The following ASZ1 variants were observed in gnomAD, a reference collection of about 807,000 sequenced individuals.
ASZ1 encodes ankyrin repeat, SAM and basic leucine zipper domain-containing protein 1.
ASZ1 carries 67 observed loss-of-function variants against 61.8 expected under a neutral mutation model. That is an observed-to-expected ratio of 1.08 (90% CI 0.89 to 1.33). The LOEUF is 1.33. Ranked by LOEUF, ASZ1 falls within the 40% of genes most tolerant of loss-of-function variation. ASZ1 has a pLI of 0.00. For synonymous variants in ASZ1, 193 were observed against 192.7 expected (o/e 1.00, Z -0.01); for missense variants, 577 against 554.5 (o/e 1.04, Z -0.41).
At chr7:117,394,965 T>A (rs1796550593) in intron 4 of ASZ1, among the ~76,000 whole-genome samples, 1 of 152,232 alleles carries the variant, frequency 6.6e-6, no homozygotes, top group Admixed American at 6.5e-5. Flanking sequence ...GATTCCTCTA[T>A]TTTTCCCACT....
intron 3 of ASZ1, among the ~76,000 whole-genome samples, chr7:117,420,995 T>C (rs918423074): frequency 1.3e-5 from 2 of 152,202 alleles, no homozygotes; most frequent in African/African-American, 4.8e-5. Flanking sequence ...AGATTTAACA[T>C]ACAGATAAGA....
chr7:117,368,266 T>A, intron 11 of ASZ1: 1 of 978,774 alleles, frequency 1.0e-6, no homozygotes, highest in Non-Finnish European at 1.2e-6. Flanking sequence ...TAAAAATATT[T>A]TATTGATATG....
intron 10 of ASZ1, among the ~76,000 whole-genome samples, chr7:117,370,289 A>G (rs1796022636): frequency 6.6e-6 from 1 of 152,226 alleles, no homozygotes; most frequent in Non-Finnish European, 1.5e-5. Context: ...AACTATGATC[A>G]TAAAGAAGAC....
At chr7:117,391,222 T>C (rs1796461497) in intron 4 of ASZ1, among the ~76,000 whole-genome samples, 1 of 152,160 alleles carries the variant, frequency 6.6e-6, no homozygotes, top group Non-Finnish European at 1.5e-5. Context: ...CCTGGATATT[T>C]AGTCCTTTGT....
chr7:117,402,636 C>T (rs1032980929), intron 4 of ASZ1, among the ~76,000 whole-genome samples: 1 of 152,100 alleles, frequency 6.6e-6, no homozygotes, highest in African/African-American at 2.4e-5. Context: ...TCCAGTGAGC[C>T]CCCATCTTGA....
intron 4 of ASZ1, among the ~76,000 whole-genome samples, chr7:117,386,630 G>T (rs1460459982): frequency 1.3e-5 from 2 of 152,038 alleles, no homozygotes; most frequent in African/African-American, 2.4e-5. Context: ...TATACACAAA[G>T]AACTTTGGAA....
chr7:117,408,176 C>T (rs1190765873), intron 4 of ASZ1, among the ~76,000 whole-genome samples: 1 of 152,096 alleles, frequency 6.6e-6, no homozygotes, highest in Non-Finnish European at 1.5e-5. Flanking sequence ...AAAATTTCTA[C>T]CCTTTAATCA....
Position 117,391,516 on chromosome 7 carries a change from T to C in ASZ1, c.441-5707A>G, listed in dbSNP as rs573282649. On this transcript the variant is annotated intron_variant, in intron 4 of 12. Coordinates refer to ENST00000284629, the MANE Select transcript of ASZ1 (RefSeq NM_130768.3). ...AGGTAGGGATCCAGTTTCATTCTTC[T>C]GCATGTGGGTATCCGGTTTTCCCAG... 1.2e-4 allele frequency among the ~76,000 whole-genome samples: 19 copies of C among 152,354 alleles called. No homozygotes were observed. In the East Asian group the frequency reaches 3.7e-3, roughly 29 times the overall value.
chr7:117,391,078 T>A (rs1044885719), intron 4 of ASZ1, among the ~76,000 whole-genome samples: 1 of 152,014 alleles, frequency 6.6e-6, no homozygotes, highest in Non-Finnish European at 1.5e-5. Flanking sequence ...CTCTGATGAG[T>A]AGTGATGTTG....
In ASZ1 at chr7:117,389,738, A is replaced by C. The variant is rs117976172; in HGVS notation, c.441-3929T>G. 5.7e-3 allele frequency among the ~76,000 whole-genome samples: 863 copies of C among 152,314 alleles called. 5 individuals carry two copies. The highest frequency in any genetic ancestry group is 9.9e-3 in the Non-Finnish European group (674 of 68,016). On this transcript the variant is annotated intron_variant, in intron 4 of 12. Transcript: ENST00000284629. Reference sequence around the variant, plus strand: ...ATATTTCCCACACCTTTTCCTTCTTAAACCCCTTCATTTAGCCCAAAAAGT... The same window carrying C: ...ATATTTCCCACACCTTTTCCTTCTTCAACCCCTTCATTTAGCCCAAAAAGT...
intron 4 of ASZ1, among the ~76,000 whole-genome samples, chr7:117,401,108 G>A (rs1374956218): frequency 6.6e-6 from 1 of 152,146 alleles, no homozygotes; most frequent in Non-Finnish European, 1.5e-5. Flanking sequence ...CTACAGAAGA[G>A]AATTAATGGC....
At chr7:117,363,810 T>C in intron 12 of ASZ1, 62 bp from the exon 13 acceptor site, 1 of 1,276,940 alleles carries the variant, frequency 7.8e-7, no homozygotes. Context: ...TAAAACATTT[T>C]GATTTTAAAA....
At chr7:117,409,485 C>G (rs1459446923) in intron 4 of ASZ1, among the ~76,000 whole-genome samples, 1 of 151,538 alleles carries the variant, frequency 6.6e-6, no homozygotes, top group Non-Finnish European at 1.5e-5. Context: ...AATATTTTAG[C>G]CAGCCAAAAA....
chr7:117,386,453 T>C (rs1454506177), intron 4 of ASZ1, among the ~76,000 whole-genome samples: 1 of 152,136 alleles, frequency 6.6e-6, no homozygotes, highest in African/African-American at 2.4e-5. Context: ...TTCCCAAAAT[T>C]AGAGATTCAA....
At chr7:117,419,850 T>G (rs575110195) in intron 4 of ASZ1, among the ~76,000 whole-genome samples, 1 of 152,334 alleles carries the variant, frequency 6.6e-6, no homozygotes, top group Admixed American at 6.5e-5. Flanking sequence ...TTAAAAGGCT[T>G]TACTCTTACA....
intron 9 of ASZ1, 108 bp from the exon 10 acceptor site, chr7:117,380,155 G>T: frequency 1.5e-6 from 1 of 672,146 alleles, no homozygotes; most frequent in Non-Finnish European, 2.5e-6. Flanking sequence ...TGAAAAAATA[G>T]GCATATATTG....
At chr7:117,391,740 G>C (rs1796473194) in intron 4 of ASZ1, among the ~76,000 whole-genome samples, 1 of 151,992 alleles carries the variant, frequency 6.6e-6, no homozygotes, top group South Asian at 2.1e-4. Context: ...CTCAAGCTTT[G>C]TTCTTTTTGC....
At chr7:117,424,027 T>C (rs1212970821) in intron 2 of ASZ1, among the ~76,000 whole-genome samples, 1 of 152,122 alleles carries the variant, frequency 6.6e-6, no homozygotes, top group African/African-American at 2.4e-5. Context: ...AGTATATTTA[T>C]AGAGCTCAAA....
chr7:117,420,712 C>A (rs1797084495), intron 3 of ASZ1, among the ~76,000 whole-genome samples: 1 of 152,346 alleles, frequency 6.6e-6, no homozygotes. Flanking sequence ...ATTGCTATGA[C>A]TGCCACATCC....
Sources: gnomAD v4.1 joint callset for allele counts (sites outside exome capture counted in the v4.1 genomes callset) on GRCh38, gnomAD v4.1.1 for gene constraint, MANE v1.5 for transcripts, NCBI Gene and HGNC (gene_info 2026-07-23, HGNC 2026-07-21) for gene names.